The following PDK1 variants were observed in gnomAD, a reference collection of about 807,000 sequenced individuals.
PDK1 encodes pyruvate dehydrogenase kinase 1.
PDK1 carries 39 observed loss-of-function variants against 54.2 expected under a neutral mutation model. The ratio of observed to expected loss-of-function variants is 0.72; its 90% confidence interval spans 0.56 to 0.94. PDK1 has a LOEUF of 0.94. PDK1 is among the 40% of genes least tolerant of loss of function. The pLI, the probability that PDK1 is intolerant of heterozygous loss-of-function variation, is 0.00. For synonymous variants in PDK1, 221 were observed against 207.1 expected, an observed-to-expected ratio of 1.07 and a Z score of -0.58; for missense variants, 552 against 566.0, an observed-to-expected ratio of 0.98 and a Z score of 0.25.
chr2:172,556,367 T>G (rs761509157), intron 1 of PDK1, 21 bp downstream of exon 1: 1 of 1,400,206 alleles, frequency 7.1e-7, no homozygotes, highest in East Asian at 2.8e-5. Context: ...CCCGGGACCT[T>G]GGGCCTTTTT....
downstream of PDK1, among the ~76,000 whole-genome samples, chr2:172,609,198 G>A (rs1203161823): frequency 2.6e-5 from 4 of 152,130 alleles, no homozygotes; most frequent in East Asian, 1.9e-4. Context: ...TGCTATCTAC[G>A]ACAAGGACAC....
At chr2:172,585,795 T>G (rs1460426417) in intron 8 of PDK1, among the ~76,000 whole-genome samples, 1 of 152,094 alleles carries the variant, frequency 6.6e-6, no homozygotes, top group Non-Finnish European at 1.5e-5. Flanking sequence ...TTTCACATAT[T>G]AGAGGAGTTG....
At chr2:172,570,090 T>A (rs1000767384) in intron 7 of PDK1, among the ~76,000 whole-genome samples, 2 of 152,212 alleles carry the variant, frequency 1.3e-5, no homozygotes, top group African/African-American at 4.8e-5. Flanking sequence ...GGCCACACAC[T>A]CTTACTTCCA....
the PDK1 span, among the ~76,000 whole-genome samples, chr2:172,709,817 C>T: frequency 1.3e-5 from 2 of 152,134 alleles, no homozygotes; most frequent in Admixed American, 6.5e-5. Context: ...TGATGGGTCA[C>T]GGTGCATCTG....
At chr2:172,700,690 C>A in the PDK1 span, among the ~76,000 whole-genome samples, 35 of 152,260 alleles carry the variant, frequency 2.3e-4, no homozygotes, top group South Asian at 7.2e-3. Context: ...AGAGATCACG[C>A]CACTGCACTC....
chr2:172,703,143 A>G, the PDK1 span, among the ~76,000 whole-genome samples: 35 of 152,198 alleles, frequency 2.3e-4, no homozygotes, highest in Admixed American at 9.2e-4. Context: ...GGAGAAGGCA[A>G]TATGAAGACA....
the PDK1 span, among the ~76,000 whole-genome samples, chr2:172,628,827 G>A: frequency 6.6e-6 from 1 of 152,050 alleles, no homozygotes; most frequent in Non-Finnish European, 1.5e-5. Context: ...AATCTCTACT[G>A]TCTTAATGTT....
intron 9 of PDK1, among the ~76,000 whole-genome samples, chr2:172,588,709 C>T (rs1317061804): frequency 1.3e-5 from 2 of 152,168 alleles, no homozygotes; most frequent in African/African-American, 2.4e-5. Context: ...TGGAGAAAGG[C>T]CAGCTGATGC....
At chr2:172,616,407 G>A in the PDK1 span, among the ~76,000 whole-genome samples, 1 of 152,142 alleles carries the variant, frequency 6.6e-6, no homozygotes, top group African/African-American at 2.4e-5. Flanking sequence ...ATGAATCTTA[G>A]GAACACAATT....
At chr2:172,561,763 T>G (rs1204731758) in intron 2 of PDK1, among the ~76,000 whole-genome samples, 2 of 152,202 alleles carry the variant, frequency 1.3e-5, no homozygotes, top group African/African-American at 4.8e-5. Context: ...TGGACATAAA[T>G]ATGTAAAATT....
the PDK1 span, among the ~76,000 whole-genome samples, chr2:172,672,046 A>T: frequency 6.6e-6 from 1 of 152,214 alleles, no homozygotes; most frequent in Non-Finnish European, 1.5e-5. Flanking sequence ...GAGTTGGTAG[A>T]AGTGGGAATC....
At chr2:172,668,610 T>C in the PDK1 span, among the ~76,000 whole-genome samples, 1 of 151,786 alleles carries the variant, frequency 6.6e-6, no homozygotes, top group Non-Finnish European at 1.5e-5. Flanking sequence ...TTATGGCCTC[T>C]TTGGATGGGT....
the PDK1 span, among the ~76,000 whole-genome samples, chr2:172,650,398 A>G: frequency 1.3e-4 from 20 of 152,354 alleles, no homozygotes; most frequent in African/African-American, 4.6e-4. Context: ...TGTAAAGACC[A>G]TCAATGCTAG....
At chr2:172,672,194 G>A in the PDK1 span, among the ~76,000 whole-genome samples, 1 of 152,124 alleles carries the variant, frequency 6.6e-6, no homozygotes, top group South Asian at 2.1e-4. Flanking sequence ...AATCAGTTGA[G>A]CCTCTCATTT....
the PDK1 span, among the ~76,000 whole-genome samples, chr2:172,658,159 T>C: frequency 6.6e-6 from 1 of 152,244 alleles, no homozygotes; most frequent in Non-Finnish European, 1.5e-5. Flanking sequence ...CCCATTAGGC[T>C]CCACCTCCAA....
At chr2:172,661,821 G>C in the PDK1 span, among the ~76,000 whole-genome samples, 3 of 152,102 alleles carry the variant, frequency 2.0e-5, no homozygotes, top group Non-Finnish European at 4.4e-5. Flanking sequence ...AGAGGGAGAG[G>C]GGCAGGGGCT....
At chr2:172,664,613 T>C in the PDK1 span, among the ~76,000 whole-genome samples, 8 of 152,154 alleles carry the variant, frequency 5.3e-5, no homozygotes, top group Non-Finnish European at 8.8e-5. Flanking sequence ...AGATATTGGC[T>C]CTGTCTCATT....
chr2:172,621,905 G>A, the PDK1 span, among the ~76,000 whole-genome samples: 1 of 137,226 alleles, frequency 7.3e-6, no homozygotes, highest in Non-Finnish European at 1.5e-5. Flanking sequence ...TATGATATAT[G>A]TTTATATCTC....
At chr2:172,611,217 C>G (rs191679529), downstream of PDK1, among the ~76,000 whole-genome samples, 1 of 152,272 alleles carries the variant, frequency 6.6e-6, no homozygotes, top group Admixed American at 6.5e-5. Context: ...ATTCTATCAA[C>G]TTCTCAAATT....
Sources: allele counts gnomAD v4.1 joint callset (sites outside exome capture counted in the v4.1 genomes callset), GRCh38; gene constraint gnomAD v4.1.1; transcripts MANE v1.5; gene names NCBI Gene and HGNC (gene_info 2026-07-23, HGNC 2026-07-21).